The following STARD13 variants were observed in gnomAD, a reference collection of about 807,000 sequenced individuals.
The protein encoded by STARD13 is StAR related lipid transfer domain containing 13.
A neutral mutation model predicts 106.4 loss-of-function variants in STARD13; 62 were observed. The observed-to-expected ratio is 0.58, with a 90% CI of 0.48 to 0.72. The LOEUF is 0.72. STARD13 is among the 30% of genes least tolerant of loss of function. The pLI, the probability that STARD13 is intolerant of heterozygous loss-of-function variation, is 0.00. For synonymous variants in STARD13, 565 were observed against 553.0 expected (o/e 1.02, Z -0.31); for missense variants, 1,387 against 1,424.0 (o/e 0.97, Z 0.42).
At chr13:33,145,858 T>C (rs1251688663) in intron 3 of STARD13, among the ~76,000 whole-genome samples, 2 of 152,144 alleles carry the variant, frequency 1.3e-5, no homozygotes, top group Non-Finnish European at 2.9e-5. Flanking sequence ...TGCCAAATGC[T>C]GGCACTGGGG....
the STARD13 span, among the ~76,000 whole-genome samples, chr13:33,512,005 A>G: frequency 2.0e-5 from 3 of 152,296 alleles, no homozygotes; most frequent in East Asian, 5.8e-4. Flanking sequence ...AAATCCATGA[A>G]GACAATTTGG....
chr13:33,459,529 A>G, the STARD13 span, among the ~76,000 whole-genome samples: 1 of 152,178 alleles, frequency 6.6e-6, no homozygotes, highest in Non-Finnish European at 1.5e-5. Flanking sequence ...GGTTGTTTCT[A>G]GGTTTTTGCT....
the STARD13 span, among the ~76,000 whole-genome samples, chr13:33,386,936 A>G: frequency 6.6e-6 from 1 of 152,006 alleles, no homozygotes; most frequent in African/African-American, 2.4e-5. Flanking sequence ...GATTTTTACA[A>G]CCTTCTTTGC....
the STARD13 span, among the ~76,000 whole-genome samples, chr13:33,643,088 G>A: frequency 3.3e-5 from 5 of 151,262 alleles, no homozygotes; most frequent in African/African-American, 7.3e-5. Context: ...TGTATAATAC[G>A]AAATGCATTG....
intron 1 of STARD13, among the ~76,000 whole-genome samples, chr13:33,206,481 T>C (rs1366040495): frequency 2.0e-5 from 3 of 152,046 alleles, no homozygotes; most frequent in Admixed American, 2.0e-4. Flanking sequence ...AAATAGGATA[T>C]AACAAAATCA....
In STARD13 at chr13:33,129,333, C is replaced by T. The variant is rs149018354; in HGVS notation, c.1344G>A (p.Ala448=). 2.1e-4 allele frequency: 337 copies of T among 1,614,122 alleles called. No individual in the cohort carries two copies. The highest frequency in any genetic ancestry group is 1.2e-3 in the Middle Eastern group (7 of 6,062). Residue 448 remains alanine (A), a synonymous_variant, in exon 5 of 14, where the codon GCG becomes GCA. Coordinates refer to ENST00000336934, the MANE Select transcript of STARD13 (RefSeq NM_178006.4). The part of the protein sequence containing the change: ...VPGAREPRLM[A]SCHRASRVSI... ...TGACTCGGCTGGCTCTGTGGCAGGA[C>T]GCCATGAGCCGGGGCTCCCTGGCAC...
At chr13:33,379,247 G>A in the STARD13 span, among the ~76,000 whole-genome samples, 1 of 152,180 alleles carries the variant, frequency 6.6e-6, no homozygotes, top group Middle Eastern at 3.2e-3. Flanking sequence ...ATTAGACTAA[G>A]ATATCCTATC....
At chr13:33,123,187 G>A (rs972988798) in intron 7 of STARD13, among the ~76,000 whole-genome samples, 1 of 151,354 alleles carries the variant, frequency 6.6e-6, no homozygotes, top group Non-Finnish European at 1.5e-5. Flanking sequence ...AGGGACACTT[G>A]TACTGAGTAC....
At chr13:33,377,594 C>G in the STARD13 span, among the ~76,000 whole-genome samples, 46 of 151,680 alleles carry the variant, frequency 3.0e-4, 2 homozygotes, top group South Asian at 6.1e-3. Context: ...CCCCCACCCC[C>G]GCTTATACTC....
the STARD13 span, among the ~76,000 whole-genome samples, chr13:33,616,470 A>C: frequency 1.3e-5 from 2 of 152,174 alleles, no homozygotes; most frequent in Non-Finnish European, 2.9e-5. Context: ...AATCTCAGAA[A>C]TCTAGACTGG....
intron 7 of STARD13, among the ~76,000 whole-genome samples, chr13:33,124,307 T>C (rs555389350): frequency 6.6e-6 from 1 of 152,268 alleles, no homozygotes; most frequent in South Asian, 2.1e-4. Context: ...CTGGGTGCAT[T>C]ATAAGGTGGT....
the STARD13 span, among the ~76,000 whole-genome samples, chr13:33,491,370 A>G: frequency 6.6e-6 from 1 of 152,226 alleles, no homozygotes; most frequent in African/African-American, 2.4e-5. Flanking sequence ...GTCCCTTAAG[A>G]AAAGAAATCC....
chr13:33,406,333 AT>A, the STARD13 span, among the ~76,000 whole-genome samples: 1 of 152,356 alleles, frequency 6.6e-6, no homozygotes, highest in South Asian at 2.1e-4. Context: ...ACTAGGTAGC[AT>A]GAATGTTTTT....
the STARD13 span, among the ~76,000 whole-genome samples, chr13:33,381,218 CTTTGGCAGT>C: frequency 6.6e-6 from 1 of 152,282 alleles, no homozygotes; most frequent in Admixed American, 6.5e-5. Flanking sequence ...ACTTTGACCA[CTTTGGCAGT>C]AAGAAAATCT....
At chr13:33,230,114 C>T (rs1338570909) in intron 1 of STARD13, among the ~76,000 whole-genome samples, 1 of 152,234 alleles carries the variant, frequency 6.6e-6, no homozygotes, top group Non-Finnish European at 1.5e-5. Context: ...GGTCAGTCCA[C>T]ATGGGGAAGA....
the STARD13 span, among the ~76,000 whole-genome samples, chr13:33,675,133 C>T: frequency 2.0e-5 from 3 of 152,178 alleles, no homozygotes; most frequent in Admixed American, 2.0e-4. Flanking sequence ...TAGCAAGAAA[C>T]AGAGTGACAG....
chr13:33,630,997 TA>T, the STARD13 span, among the ~76,000 whole-genome samples: 1 of 152,196 alleles, frequency 6.6e-6, no homozygotes, highest in Non-Finnish European at 1.5e-5. Flanking sequence ...AGCCTGCATT[TA>T]AAAACAAAAA....
chr13:33,132,394 G>A (rs564605549), intron 4 of STARD13, among the ~76,000 whole-genome samples: 1 of 152,260 alleles, frequency 6.6e-6, no homozygotes, highest in South Asian at 2.1e-4. Flanking sequence ...TTTTATAAGG[G>A]GAAACCCCTT....
At chr13:33,290,278 G>A (rs750767879), upstream of STARD13, among the ~76,000 whole-genome samples, 2 of 152,148 alleles carry the variant, frequency 1.3e-5, no homozygotes, top group Non-Finnish European at 2.9e-5. Flanking sequence ...ACAAGTGGCA[G>A]GCAGAAAAAT....
Sources: allele counts gnomAD v4.1 joint callset (sites outside exome capture counted in the v4.1 genomes callset), GRCh38; gene constraint gnomAD v4.1.1; transcripts MANE v1.5; gene names NCBI Gene and HGNC (gene_info 2026-07-23, HGNC 2026-07-21).